QTMAN: variants seen among roughly 807,000 people sequenced by gnomAD.
QTMAN encodes tRNA-queuosine alpha-mannosyltransferase.
At chr2:144,318,180 GCTCTATTTA>G in the QTMAN span, among the ~76,000 whole-genome samples, 1 of 140,902 alleles carries the variant, frequency 7.1e-6, no homozygotes, top group Non-Finnish European at 1.5e-5. Flanking sequence ...GGTGCCTGCT[GCTCTATTTA>G]AATAAACACA....
At chr2:144,332,225 C>A in the QTMAN span, among the ~76,000 whole-genome samples, 1 of 151,892 alleles carries the variant, frequency 6.6e-6, no homozygotes, top group East Asian at 1.9e-4. Context: ...GCGCAGGGAG[C>A]GCAGCGCGTG....
At chr2:144,236,158 T>A in the QTMAN span, among the ~76,000 whole-genome samples, 2 of 152,080 alleles carry the variant, frequency 1.3e-5, no homozygotes, top group Admixed American at 1.3e-4. Context: ...TCCAAAAAAC[T>A]GTCAAGAACC....
At chr2:144,206,557 T>C in the QTMAN span, among the ~76,000 whole-genome samples, 4 of 152,304 alleles carry the variant, frequency 2.6e-5, no homozygotes, top group African/African-American at 9.6e-5. Context: ...TAAAGACTGA[T>C]TAGATTAGTA....
the QTMAN span, among the ~76,000 whole-genome samples, chr2:144,020,789 A>T: frequency 1.3e-5 from 2 of 152,334 alleles, no homozygotes; most frequent in African/African-American, 2.4e-5. Context: ...AAAAACTTAA[A>T]AAAAAACCTA....
chr2:143,958,920 G>C, the QTMAN span, among the ~76,000 whole-genome samples: 1 of 150,928 alleles, frequency 6.6e-6, no homozygotes, highest in Admixed American at 6.6e-5. Context: ...AATCAGGTCT[G>C]TCTGGGCAAC....
chr2:144,133,382 T>G, the QTMAN span, among the ~76,000 whole-genome samples: 1 of 50,226 alleles, frequency 2.0e-5, no homozygotes, highest in Non-Finnish European at 3.6e-5. Context: ...ATAATAATAA[T>G]ATAATATATA....
At chr2:144,019,379 T>C in the QTMAN span, among the ~76,000 whole-genome samples, 8 of 150,564 alleles carry the variant, frequency 5.3e-5, no homozygotes, top group Non-Finnish European at 7.4e-5. Flanking sequence ...GGAAAGCAGA[T>C]GGATGAGCGG....
chr2:143,954,878 T>G, the QTMAN span, among the ~76,000 whole-genome samples: 1,391 of 152,260 alleles, frequency 9.1e-3, 19 homozygotes, highest in African/African-American at 0.032. Context: ...GACTAGTAAA[T>G]GACCTTTTTA....
chr2:144,298,495 T>C, the QTMAN span, among the ~76,000 whole-genome samples: 2 of 152,174 alleles, frequency 1.3e-5, no homozygotes, highest in Non-Finnish European at 2.9e-5. Context: ...AACATTCCAA[T>C]AGGCTTGAAA....
the QTMAN span, among the ~76,000 whole-genome samples, chr2:144,302,871 C>G: frequency 6.6e-6 from 1 of 151,832 alleles, no homozygotes. Context: ...GAGGCCGAGG[C>G]GGGGGGGATC....
At chr2:144,078,177 C>G in the QTMAN span, among the ~76,000 whole-genome samples, 1 of 152,204 alleles carries the variant, frequency 6.6e-6, no homozygotes, top group Non-Finnish European at 1.5e-5. Context: ...AATCCACCAA[C>G]AGAGTCAGCT....
the QTMAN span, among the ~76,000 whole-genome samples, chr2:144,293,971 A>G: frequency 6.6e-6 from 1 of 152,148 alleles, no homozygotes; most frequent in South Asian, 2.1e-4. Flanking sequence ...TAAACATAAG[A>G]TTTTACATGC....
chr2:144,041,345 A>C, the QTMAN span, among the ~76,000 whole-genome samples: 1 of 152,190 alleles, frequency 6.6e-6, no homozygotes, highest in Non-Finnish European at 1.5e-5. Flanking sequence ...GTCATCACTG[A>C]AATCAGTGTA....
chr2:144,292,823 A>G, the QTMAN span, among the ~76,000 whole-genome samples: 1 of 152,204 alleles, frequency 6.6e-6, no homozygotes, highest in African/African-American at 2.4e-5. Context: ...TGATTTTAAT[A>G]ACAGGTCCTA....
At chr2:144,278,800 G>A in the QTMAN span, among the ~76,000 whole-genome samples, 1 of 152,006 alleles carries the variant, frequency 6.6e-6, no homozygotes, top group Non-Finnish European at 1.5e-5. Context: ...CGTTAATATA[G>A]TATGCCCTGT....
At chr2:144,010,681 TAG>T in the QTMAN span, among the ~76,000 whole-genome samples, 1,176 of 152,074 alleles carry the variant, frequency 7.7e-3, 25 homozygotes, top group Non-Finnish European at 6.1e-3. Context: ...GTTTGAAAAT[TAG>T]AGAGTGTTTA....
chr2:143,983,755 G>A, the QTMAN span, among the ~76,000 whole-genome samples: 1 of 152,148 alleles, frequency 6.6e-6, no homozygotes, highest in Non-Finnish European at 1.5e-5. Flanking sequence ...TTACAGGCGT[G>A]AGCCACCACG....
chr2:144,263,610 G>A, the QTMAN span, among the ~76,000 whole-genome samples: 1 of 152,162 alleles, frequency 6.6e-6, no homozygotes, highest in African/African-American at 2.4e-5. Flanking sequence ...TGTAATCCCA[G>A]CTACTTGGGA....
chr2:144,011,744 C>T, the QTMAN span: 14 of 984,904 alleles, frequency 1.4e-5, no homozygotes, highest in African/African-American at 1.4e-4. Context: ...AATTCAATGA[C>T]GTGACTATGC....
Sources: allele counts gnomAD v4.1 joint callset (sites outside exome capture counted in the v4.1 genomes callset), GRCh38; gene constraint gnomAD v4.1.1; transcripts MANE v1.5; gene names NCBI Gene and HGNC (gene_info 2026-07-23, HGNC 2026-07-21).